The following EFNA5 variants were observed in gnomAD, a reference collection of about 807,000 sequenced individuals.
EFNA5 encodes ephrin-A5.
Under a neutral mutation model 22.9 loss-of-function variants are expected in EFNA5, and 5 were observed. The observed-to-expected ratio is 0.22, with a 90% CI of 0.11 to 0.46. The LOEUF is 0.46. Among genes scored for constraint, EFNA5 ranks in the 20% least tolerant of loss-of-function variants. EFNA5 has a pLI of 0.99. For synonymous variants in EFNA5, 113 were observed against 112.2 expected (o/e 1.01, Z -0.04); for missense variants, 237 against 293.3 (o/e 0.81, Z 1.40).
At chr5:107,479,565 G>GACCT (rs1362888444) in intron 1 of EFNA5, among the ~76,000 whole-genome samples, 2 of 152,120 alleles carry the variant, frequency 1.3e-5, no homozygotes, top group Non-Finnish European at 2.9e-5. Context: ...GTTTTCTAGG[G>GACCT]AGCCACTCAT....
intron 1 of EFNA5, among the ~76,000 whole-genome samples, chr5:107,652,891 T>A (rs1461424651): frequency 6.6e-6 from 1 of 151,932 alleles, no homozygotes; most frequent in Non-Finnish European, 1.5e-5. Flanking sequence ...AATTTTCTTT[T>A]TCTAAAAAAA....
intron 1 of EFNA5, among the ~76,000 whole-genome samples, chr5:107,600,690 G>A (rs779657508): frequency 6.6e-6 from 1 of 151,982 alleles, no homozygotes; most frequent in Non-Finnish European, 1.5e-5. Context: ...GTTTCACCAC[G>A]TTGGCCAGCC....
intron 1 of EFNA5, among the ~76,000 whole-genome samples, chr5:107,528,535 A>G (rs1747745162): frequency 6.6e-6 from 1 of 152,214 alleles, no homozygotes; most frequent in South Asian, 2.1e-4. Context: ...TTATATGTGT[A>G]CTGTGAGTTT....
intron 1 of EFNA5, among the ~76,000 whole-genome samples, chr5:107,606,536 A>AC: frequency 8.7e-6 from 1 of 114,328 alleles, no homozygotes; most frequent in East Asian, 2.5e-4. Flanking sequence ...ACTTGCACGT[A>AC]CAACACACAC....
At chr5:107,427,652 A>T in intron 1 of EFNA5, 143 bp from the exon 2 acceptor site, 1 of 682,794 alleles carries the variant, frequency 1.5e-6, no homozygotes, top group Non-Finnish European at 2.2e-6. Flanking sequence ...GATTTGGGGC[A>T]TGGTTTGAAA....
intron 1 of EFNA5, among the ~76,000 whole-genome samples, chr5:107,542,656 A>G (rs866250329): frequency 6.6e-6 from 1 of 152,020 alleles, no homozygotes; most frequent in Non-Finnish European, 1.5e-5. Flanking sequence ...GAAAAACGCC[A>G]CTCACCTGGC....
At chr5:107,430,778 T>TC (rs1561382931) in intron 1 of EFNA5, among the ~76,000 whole-genome samples, 2 of 15,992 alleles carry the variant, frequency 1.3e-4, no homozygotes, top group South Asian at 5.3e-3. Flanking sequence ...TTCTTTCTTT[T>TC]TTTTTTTTTT....
intron 2 of EFNA5, among the ~76,000 whole-genome samples, chr5:107,406,361 T>C (rs1748221449): frequency 6.6e-6 from 1 of 152,036 alleles, no homozygotes; most frequent in African/African-American, 2.4e-5. Flanking sequence ...TTGTTCAACC[T>C]ATTTGAGCCA....
At chr5:107,410,430 T>C (rs1293459980) in intron 2 of EFNA5, among the ~76,000 whole-genome samples, 2 of 152,198 alleles carry the variant, frequency 1.3e-5, no homozygotes, top group African/African-American at 2.4e-5. Context: ...GACTAGATGA[T>C]GAATGGTATT....
intron 1 of EFNA5, among the ~76,000 whole-genome samples, chr5:107,453,350 C>G (rs554101779): frequency 5.3e-5 from 8 of 152,110 alleles, no homozygotes; most frequent in African/African-American, 1.2e-4. Context: ...ATATTCAGAA[C>G]AAAATTTATT....
intron 1 of EFNA5, among the ~76,000 whole-genome samples, chr5:107,607,364 C>A (rs1270854909): frequency 4.6e-5 from 7 of 152,214 alleles, no homozygotes; most frequent in African/African-American, 1.7e-4. Flanking sequence ...GAGGGCACTG[C>A]ACACATTTCT....
chr5:107,584,011 G>A (rs1561440409), intron 1 of EFNA5, among the ~76,000 whole-genome samples: 1 of 151,862 alleles, frequency 6.6e-6, no homozygotes. Context: ...AATCCACTGT[G>A]GATCCACACA....
At chr5:107,638,823 C>A (rs1168063063) in intron 1 of EFNA5, among the ~76,000 whole-genome samples, 1 of 152,128 alleles carries the variant, frequency 6.6e-6, no homozygotes, top group Non-Finnish European at 1.5e-5. Context: ...ACTATACACA[C>A]ACATACACAC....
chr5:107,432,527 G>C (rs1748990341), intron 1 of EFNA5, among the ~76,000 whole-genome samples: 1 of 152,004 alleles, frequency 6.6e-6, no homozygotes, highest in South Asian at 2.1e-4. Flanking sequence ...AGAATTTCTG[G>C]CTGTACACCA....
intron 1 of EFNA5, among the ~76,000 whole-genome samples, chr5:107,482,188 C>T (rs1750486415): frequency 6.6e-6 from 1 of 151,710 alleles, no homozygotes; most frequent in Non-Finnish European, 1.5e-5. Flanking sequence ...CGCCTGTGGT[C>T]CCAGTTATTG....
rs70996962 is a variant in EFNA5, at chr5:107,569,559, TTATATATATATATATATATA to T, written c.125+100910_125+100929del. 2.3e-3 allele frequency among the ~76,000 whole-genome samples: 97 copies of T among 42,498 alleles called. 1 individual carries two copies. The highest frequency in any genetic ancestry group is 4.9e-3 in the South Asian group (6 of 1,214). 27.9% of individuals were successfully genotyped at this position (42,498 alleles called of 152,430 possible). Reference sequence around the variant, plus strand: ...TATATATATGTGTGTATATATATATTTATATATATATATATATATATATATATATATATATATTCCCAGCT... The same window carrying T: ...TATATATATGTGTGTATATATATATTTATATATATATATATATTCCCAGCT... On this transcript the variant is annotated intron_variant, in intron 1 of 4. Coordinates refer to ENST00000333274, the MANE Select transcript of EFNA5 (RefSeq NM_001962.3).
intron 1 of EFNA5, among the ~76,000 whole-genome samples, chr5:107,502,310 C>T (rs1015111230): frequency 2.6e-5 from 4 of 152,192 alleles, no homozygotes; most frequent in South Asian, 2.1e-4. Flanking sequence ...TTAGACCAGT[C>T]TCGTCTTAGC....
chr5:107,571,539 CT>C (rs34655229), intron 1 of EFNA5, among the ~76,000 whole-genome samples: 167 of 146,814 alleles, frequency 1.1e-3, no homozygotes, highest in Non-Finnish European at 1.6e-3. Flanking sequence ...GGGTCATCCT[CT>C]TTTTTTTTTT....
rs556003756 is a variant in EFNA5 at position 107,381,072 on chromosome 5, G to A, written c.*183C>T. 2 of 838,020 alleles carry A rather than the reference G, an allele frequency of 2.4e-6. No individual in the cohort carries two copies. The highest frequency in any genetic ancestry group is 3.5e-6 in the Non-Finnish European group (2 of 575,260). 51.9% of individuals were successfully genotyped at this position (838,020 alleles called of 1,614,324 possible). A position where few individuals can be genotyped will look rare whatever the true frequency, so the allele number is the denominator to read the frequency against. Reference sequence around the variant, plus strand: ...GGGGCGGGGTGGGGTGAGGGAGGCAGGAACAAGTTTAGGCCCCCAACCTGA... The same window carrying A: ...GGGGCGGGGTGGGGTGAGGGAGGCAAGAACAAGTTTAGGCCCCCAACCTGA... On this transcript the variant is annotated 3_prime_UTR_variant, in exon 5 of 5. Coordinates refer to ENST00000333274, the MANE Select transcript of EFNA5 (RefSeq NM_001962.3).
Sources: allele counts gnomAD v4.1 joint callset (sites outside exome capture counted in the v4.1 genomes callset), GRCh38; gene constraint gnomAD v4.1.1; transcripts MANE v1.5; gene names NCBI Gene and HGNC (gene_info 2026-07-23, HGNC 2026-07-21).